DHX33: variants seen among roughly 807,000 people sequenced by gnomAD.
The protein encoded by DHX33 is ATP-dependent RNA helicase DHX33.
Under a neutral mutation model 72.5 loss-of-function variants are expected in DHX33, and 42 were observed. The ratio of observed to expected loss-of-function variants is 0.58; its 90% CI spans 0.45 to 0.75. The LOEUF (loss-of-function observed/expected upper bound fraction) is 0.75. DHX33 is among the 30% of genes least tolerant of loss of function. The pLI is 0.00. For missense variants in DHX33, 842 were observed against 917.5 expected (o/e 0.92, Z 1.06); for synonymous variants, 358 against 366.1 (o/e 0.98, Z 0.25).
chr17:5,462,894 A>C (rs926020058), intron 2 of DHX33, among the ~76,000 whole-genome samples: 1 of 152,144 alleles, frequency 6.6e-6, no homozygotes, highest in Admixed American at 6.5e-5. Context: ...CCTGACCAAC[A>C]TGCTGAAATC....
intron 4 of DHX33, among the ~76,000 whole-genome samples, chr17:5,457,744 A>G (rs1473207037): frequency 1.3e-5 from 2 of 152,176 alleles, no homozygotes; most frequent in Non-Finnish European, 2.9e-5. Flanking sequence ...AACAGAACAA[A>G]TGTGCAGAGG....
intron 11 of DHX33, among the ~76,000 whole-genome samples, chr17:5,446,733 C>T (rs1242767592): frequency 6.6e-6 from 1 of 152,154 alleles, no homozygotes; most frequent in Non-Finnish European, 1.5e-5. Flanking sequence ...CAGGACCTTA[C>T]CAGTGCCTGA....
Position 5,448,903 on chromosome 17 carries a change from G to C in DHX33, c.1729-8C>G, listed in dbSNP as rs1237828571. On this transcript the variant is annotated splice_region_variant and splice_polypyrimidine_tract_variant and intron_variant, in intron 10 of 11. Coordinates refer to ENST00000225296, the MANE Select transcript of DHX33 (RefSeq NM_020162.4). ...ATTCTCTTTGCACCAATCCTGAATAGGAGAAAGAGTGATATCACAATCCAC... is the reference window on the plus strand; with the variant it reads ...ATTCTCTTTGCACCAATCCTGAATACGAGAAAGAGTGATATCACAATCCAC... 1.9e-6 allele frequency: 3 copies of C among 1,606,820 alleles called. No individual in the cohort carries two copies. The highest frequency in any genetic ancestry group is 2.6e-6 in the Non-Finnish European group (3 of 1,174,278).
Position 5,462,301 on chromosome 17 carries a change from G to A in DHX33, c.678+18C>T, listed in dbSNP as rs181980538. 7 of 1,606,720 alleles carry A rather than the reference G, an allele frequency of 4.4e-6. No homozygotes were observed. The African/African-American group carries it at 6.7e-5, about 15-fold the overall frequency. ...GGGGAAGTTTCCCTCATACTTTCAG[G>A]GGAAGTTTCCCTCATACTTTCAGAG... On this transcript the variant is annotated intron_variant, in intron 3 of 11. Coordinates refer to ENST00000225296, the MANE Select transcript of DHX33 (RefSeq NM_020162.4).
At chr17:5,449,324 T>C (rs1465171508) in intron 10 of DHX33, among the ~76,000 whole-genome samples, 2 of 152,188 alleles carry the variant, frequency 1.3e-5, no homozygotes, top group Non-Finnish European at 2.9e-5. Context: ...TTAAAAGTTC[T>C]ACAAGTCATT....
At chr17:5,450,704 G>A in intron 9 of DHX33, 103 bp downstream of exon 9, 2 of 1,505,318 alleles carry the variant, frequency 1.3e-6, no homozygotes, top group Admixed American at 2.0e-5. Context: ...AATTATGTAA[G>A]AGAAAAAGTG....
Position 5,468,788 on chromosome 17 carries a change from C to G in DHX33, c.72G>C (p.Gly24=), listed in dbSNP as rs967041041. Residue 24 remains glycine, a synonymous_variant, in exon 1 of 12, where the codon GGG becomes GGC. Coordinates refer to ENST00000225296, the MANE Select transcript of DHX33 (RefSeq NM_020162.4). ...CCACTTGCCTCCCGGGAGGGAAGGA[C>G]CCAGCGCGGCTCGGAGGTCCAGAGC... ...RPGSGPPSRA[G]SFPPGRQVVM... is the part of the protein sequence containing the mutation. 1.9e-6 allele frequency: 3 copies of G among 1,604,670 alleles called. No homozygotes were observed. The highest frequency in any genetic ancestry group is 2.6e-6 in the Non-Finnish European group (3 of 1,175,944).
intron 11 of DHX33, among the ~76,000 whole-genome samples, chr17:5,446,773 C>T (rs916135614): frequency 2.0e-5 from 3 of 152,210 alleles, no homozygotes; most frequent in African/African-American, 7.2e-5. Flanking sequence ...CTGGCCACTA[C>T]AGGGTCCTAA....
chr17:5,454,369 G>T (rs954398964), intron 6 of DHX33, among the ~76,000 whole-genome samples: 3 of 152,132 alleles, frequency 2.0e-5, no homozygotes, highest in Non-Finnish European at 4.4e-5. Flanking sequence ...TAGGATGGGG[G>T]TCATACTATC....
Position 5,468,752 on chromosome 17 carries a change from C to T in DHX33, c.108G>A (p.Leu36=). The T allele has an allele frequency of 1.9e-6, 3 of 1,611,142 alleles. No homozygotes were observed. Among genetic ancestry groups the T allele is most frequent in the Non-Finnish European group, 2.5e-6 (3 of 1,179,072 alleles). The part of the protein sequence containing the change: ...FPPGRQVVML[L]TAGSGGRGGG... ...CTCCTCTGCCGCCGCTGCCCGCAGT[C>T]AGCAGCATCACCACTTGCCTCCCGG... Residue 36 remains leucine, a synonymous_variant, in exon 1 of 12, where the codon CTG becomes CTA. Coordinates refer to ENST00000225296, the MANE Select transcript of DHX33 (RefSeq NM_020162.4).
intron 8 of DHX33, among the ~76,000 whole-genome samples, chr17:5,452,641 C>T (rs1916991940): frequency 6.6e-6 from 1 of 152,188 alleles, no homozygotes; most frequent in South Asian, 2.1e-4. Flanking sequence ...TCACCTGAGC[C>T]CGGGAGGTTG....
At chr17:5,447,633 A>G (rs1017477762) in intron 11 of DHX33, among the ~76,000 whole-genome samples, 2 of 151,904 alleles carry the variant, frequency 1.3e-5, no homozygotes, top group African/African-American at 4.8e-5. Flanking sequence ...TCAAAAAAAA[A>G]GAAAGGAAAA....
rs756047979 is a variant in DHX33, at chr17:5,455,168, T to G, written c.1139A>C (p.Tyr380Ser). The G allele has an allele frequency of 1.2e-6, 2 of 1,613,262 alleles. No individual in the cohort carries two copies. The highest frequency in any genetic ancestry group is 2.7e-5 in the African/African-American group (2 of 74,924). The change falls in exon 6 of 12, where the codon TAT becomes TCT. Residue 380 changes from tyrosine to serine, a missense_variant. Transcript: ENST00000225296. ...VDTGMVKAKK[Y>S]NPDSGLEVLA... is the part of the protein sequence containing the mutation. ...GAACTACAAATTCTCACCAGGGTTA[T>G]ACTTCTTTGCTTTAACCATGCCCGT...
chr17:5,442,255 T>C lies in DHX33; in HGVS notation c.*1950A>G. 6.7e-6 allele frequency: 1 copy of C among 149,814 alleles called. No homozygotes were observed. Among genetic ancestry groups the C allele is most frequent in the East Asian group, 1.9e-4 (1 of 5,148 alleles). 9.3% of individuals were successfully genotyped at this position (149,814 alleles called of 1,614,324 possible). A position where few individuals can be genotyped will look rare whatever the true frequency, so the allele number is the denominator to read the frequency against. On this transcript the variant is annotated 3_prime_UTR_variant, in exon 12 of 12. Transcript: ENST00000225296. The stretch of plus-strand genomic sequence containing the variant: ...CTGCGCCCGGCCACCCCCCAATTTT[T>C]TTTTTTTTTTTTTTTTTTTTACCAG...
rs766360084 is a variant in DHX33 at position 5,462,546 on chromosome 17, C to G, written c.451G>C (p.Val151Leu). The change falls in exon 3 of 12, where the codon GTT (valine) becomes CTT (leucine). Residue 151 changes from valine (V) to leucine (L), a missense_variant and splice_region_variant. Val to Leu is a conservative substitution (Grantham distance 32). Transcript: ENST00000225296. ...TCATCAAAGCGCACTGTATAGCCAA[C>G]CTGTGCAGGGAAACAATTTATTCAG... ...DEKRTELGKL[V>L]GYTVRFDDVT... 3.1e-6 allele frequency: 5 copies of G among 1,611,138 alleles called. No homozygotes were observed. Among genetic ancestry groups the G allele is most frequent in the Non-Finnish European group, 4.2e-6 (5 of 1,177,594 alleles).
At chr17:5,455,040 G>A (rs999705195) in intron 6 of DHX33, 120 bp downstream of exon 6, 10 of 880,240 alleles carry the variant, frequency 1.1e-5, no homozygotes, top group Admixed American at 4.0e-5. Flanking sequence ...CACTCATGGC[G>A]CCTGCCACCT....
chr17:5,463,849 C>T (rs780401533), intron 1 of DHX33, among the ~76,000 whole-genome samples, 160 bp from the exon 2 acceptor site: 2 of 150,678 alleles, frequency 1.3e-5, no homozygotes, highest in Admixed American at 6.6e-5. Flanking sequence ...AGCAAGACCC[C>T]GTCTCAACAA....
At chr17:5,463,850 G>A (rs751070247) in intron 1 of DHX33, among the ~76,000 whole-genome samples, 161 bp from the exon 2 acceptor site, 32 of 151,122 alleles carry the variant, frequency 2.1e-4, no homozygotes, top group Middle Eastern at 3.5e-3. Context: ...GCAAGACCCC[G>A]TCTCAACAAC....
At chr17:5,450,686 G>A in intron 9 of DHX33, 121 bp downstream of exon 9, 1 of 1,421,354 alleles carries the variant, frequency 7.0e-7, no homozygotes, top group Non-Finnish European at 9.6e-7. Context: ...TGCAAACTAG[G>A]GGTTGGTAAT....
Sources: allele counts gnomAD v4.1 joint callset (sites outside exome capture counted in the v4.1 genomes callset), GRCh38; gene constraint gnomAD v4.1.1; transcripts MANE v1.5; gene names NCBI Gene and HGNC (gene_info 2026-07-23, HGNC 2026-07-21).